PGAP6: variants seen among roughly 807,000 people sequenced by gnomAD.
The protein encoded by PGAP6 is post-GPI attachment to proteins 6.
A neutral mutation model predicts 68.4 loss-of-function variants in PGAP6; 62 were observed. The observed-to-expected ratio is 0.91, with a 90% CI of 0.74 to 1.12. The LOEUF (loss-of-function observed/expected upper bound fraction) is 1.12, where lower values mean the gene tolerates loss of function less well. PGAP6 is among the 50% of genes most tolerant of loss of function. The pLI, the probability that PGAP6 is intolerant of heterozygous loss-of-function variation, is 0.00. For missense variants in PGAP6, 1,188 were observed against 1,068.5 expected (o/e 1.11, Z -1.56); for synonymous variants, 575 against 474.0 (o/e 1.21, Z -2.77).
At chr16:386,350 C>T (rs1034500560), upstream of PGAP6, among the ~76,000 whole-genome samples, 1 of 152,174 alleles carries the variant, frequency 6.6e-6, no homozygotes, top group African/African-American at 2.4e-5. Context: ...TCTCTGTGGA[C>T]ACTCTCCCAG....
At chr16:384,189 C>G (rs570215833), upstream of PGAP6, 1 of 152,630 alleles carries the variant, frequency 6.6e-6, no homozygotes, top group African/African-American at 2.4e-5. Context: ...CCAAGCCCCC[C>G]TCCTCCCACT....
upstream of PGAP6, among the ~76,000 whole-genome samples, chr16:384,855 C>CAA (rs559192580): frequency 2.9e-4 from 32 of 110,188 alleles, no homozygotes; most frequent in South Asian, 6.0e-4. Flanking sequence ...GACTCCATCT[C>CAA]AAAAAAAAAA....
In PGAP6 at chr16:378,573, C is replaced by G. The variant is rs535210096; in HGVS notation, c.122-725G>C. ...TACACTCCCCATGGCCAACCCAGGT[C>G]GAAGCCGAAGGACCCAGCAGGTGTC... On this transcript the variant is annotated intron_variant, in intron 1 of 12. Coordinates refer to ENST00000431232, the MANE Select transcript of PGAP6 (RefSeq NM_021259.3). Among the ~76,000 whole-genome samples, 7 of 150,798 alleles carry G rather than the reference C, an allele frequency of 4.6e-5. No individual in the cohort carries two copies. In the South Asian group the frequency reaches 1.5e-3, roughly 32 times the overall value.
At chr16:378,153 G>GCCATCGCCACCCGC (rs1597163766) in intron 1 of PGAP6, among the ~76,000 whole-genome samples, 2 of 105,818 alleles carry the variant, frequency 1.9e-5, no homozygotes, top group East Asian at 4.6e-4. Flanking sequence ...TCGCCACCCT[G>GCCATCGCCACCCGC]ACTGCCATCG....
At chr16:381,362 G>C (rs1237475449) in intron 1 of PGAP6, among the ~76,000 whole-genome samples, 1 of 152,202 alleles carries the variant, frequency 6.6e-6, no homozygotes, top group Non-Finnish European at 1.5e-5. Context: ...CTCCCAGCTG[G>C]AGTCCCGGGC....
upstream of PGAP6, among the ~76,000 whole-genome samples, chr16:385,742 A>C (rs1274590207): frequency 6.9e-6 from 1 of 145,442 alleles, no homozygotes; most frequent in Non-Finnish European, 1.5e-5. Context: ...CTCCTGCCTC[A>C]GCCTCCCGAG....
Position 372,158 on chromosome 16 carries a change from G to A in PGAP6, c.2145C>T (p.Ser715=), listed in dbSNP as rs113865847. The change falls in exon 13 of 13, where the codon AGC becomes AGT. Residue 715 remains serine, a synonymous_variant. Transcript: ENST00000431232. ...GIAIYTSMMT[S]DNYYYTHSIW... ...TGCTGTGGGTGTAGTAGTAGTTGTC[G>A]CTAGTCATCATGGAGGTGTAGATGG... 18,845 of 1,612,868 alleles carry A rather than the reference G, an allele frequency of 0.012. 856 individuals are homozygous for A. In the African/African-American group the frequency reaches 0.14, roughly 12 times the overall value.
chr16:380,219 G>C lies in PGAP6; in HGVS notation c.121+1482C>G, dbSNP rs185590942. On this transcript the variant is annotated intron_variant, in intron 1 of 12. Coordinates refer to ENST00000431232, the MANE Select transcript of PGAP6 (RefSeq NM_021259.3). ...ATTTCCTTTGCCAGTTTCCAACGGAGTAAGGTTTTGGTATTTCTGAGGGTC... is the reference window on the plus strand; with the variant it reads ...ATTTCCTTTGCCAGTTTCCAACGGACTAAGGTTTTGGTATTTCTGAGGGTC... Among the ~76,000 whole-genome samples, 15 of 152,312 alleles carry C rather than the reference G, an allele frequency of 9.8e-5. 1 individual carries two copies. The highest frequency in any genetic ancestry group is 3.3e-4 in the Admixed American group (5 of 15,292).
At chr16:378,368 GC>G (rs2054409240) in intron 1 of PGAP6, among the ~76,000 whole-genome samples, 7 of 31,686 alleles carry the variant, frequency 2.2e-4, no homozygotes, top group Non-Finnish European at 3.9e-4. Context: ...ATCCCCACCC[GC>G]ACTGCCATCG....
chr16:374,189 A>T, intron 10 of PGAP6, 32 bp downstream of exon 10: 1 of 1,610,272 alleles, frequency 6.2e-7, no homozygotes, highest in Non-Finnish European at 8.5e-7. Flanking sequence ...CTGCCCTCCC[A>T]CCCCACATCC....
Position 372,213 on chromosome 16 carries a change from G to C in PGAP6, c.2090C>G (p.Pro697Arg). The C allele has an allele frequency of 6.2e-7, 1 of 1,612,606 alleles. No homozygotes were observed. Among genetic ancestry groups the C allele is most frequent in the Non-Finnish European group, 8.5e-7 (1 of 1,179,942 alleles). Reference protein sequence around the residue: ...SWQRWAFYLLPGVSMASVGIA... With the variant: ...SWQRWAFYLLRGVSMASVGIA... ...GCCCACAGAGGCCATAGAGACGCCG[G>C]GCAGGAGGTAGAAGGCCCAGCGCTG... The change falls in exon 13 of 13, where the codon CCC becomes CGC. Residue 697 changes from proline to arginine, a missense_variant. By Grantham distance (103) the Pro-to-Arg change is moderately radical. Transcript: ENST00000431232.
chr16:380,745 G>A (rs959571072), intron 1 of PGAP6, among the ~76,000 whole-genome samples: 3 of 152,028 alleles, frequency 2.0e-5, no homozygotes, highest in Non-Finnish European at 4.4e-5. Context: ...GAAAGCAGGA[G>A]GCACAGCCCC....
At chr16:378,368 G>A (rs112624898) in intron 1 of PGAP6, among the ~76,000 whole-genome samples, 1,529 of 30,682 alleles carry the variant, frequency 0.05, 78 homozygotes, top group Non-Finnish European at 0.068. Context: ...ATCCCCACCC[G>A]CACTGCCATC....
chr16:372,444 A>G, intron 12 of PGAP6, 161 bp from the exon 13 acceptor site: 1 of 977,944 alleles, frequency 1.0e-6, no homozygotes, highest in Non-Finnish European at 1.6e-6. Context: ...CCTCAGGCCC[A>G]GGCCTCAGGG....
Position 372,704 on chromosome 16 carries a change from C to T in PGAP6, c.1926G>A (p.Leu642=). 1 of 1,611,438 alleles carries T rather than the reference C, an allele frequency of 6.2e-7. No individual in the cohort carries two copies. The highest frequency in any genetic ancestry group is 8.5e-7 in the Non-Finnish European group (1 of 1,179,154). The part of the protein sequence containing the change: ...LKYVLFLLGT[L]VIAMSLQLDR... ...CCAGCTGCAAGGACATGGCGATGAC[C>T]AGTGTACCCAGAAGAAACAGCACCT... is the stretch of plus-strand genomic sequence containing the variant. Residue 642 remains leucine, a synonymous_variant, in exon 12 of 13, where the codon CTG becomes CTA. Coordinates refer to ENST00000431232, the MANE Select transcript of PGAP6 (RefSeq NM_021259.3).
At position 377,241 on chromosome 16, in the gene PGAP6, C is replaced by T. The variant is rs139922728; in HGVS notation, c.508-77G>A. The T allele has an allele frequency of 5.0e-3, 8,018 of 1,602,834 alleles. 37 individuals carry two copies. The highest frequency in any genetic ancestry group is 5.1e-3 in the Non-Finnish European group (5,990 of 1,174,940). On this transcript the variant is annotated intron_variant, in intron 3 of 12. Coordinates refer to ENST00000431232, the MANE Select transcript of PGAP6 (RefSeq NM_021259.3). ...AGGGCATGGTCTCACCAGACGCCCC[C>T]GGCATGCAGGGAGCAGGGCTGGCCC...
At chr16:375,503 G>T in intron 6 of PGAP6, 68 bp from the exon 7 acceptor site, 1 of 1,347,084 alleles carries the variant, frequency 7.4e-7, no homozygotes, top group Non-Finnish European at 1.1e-6. Context: ...TCTGCCCCAC[G>T]TGCCAGCTCA....
In PGAP6 at chr16:371,858, G is replaced by A. The variant is rs2054335928; in HGVS notation, c.*129C>T. Reference sequence around the variant, plus strand: ...GTGGCCCTCTCCTCAGTAGGAGGAAGTAAGAGGGTATCTAGGCCAATTTAT... The same window carrying A: ...GTGGCCCTCTCCTCAGTAGGAGGAAATAAGAGGGTATCTAGGCCAATTTAT... On this transcript the variant is annotated 3_prime_UTR_variant, in exon 13 of 13. Transcript: ENST00000431232. 4.0e-6 allele frequency: 4 copies of A among 1,008,068 alleles called. No homozygotes were observed. The highest frequency in any genetic ancestry group is 1.6e-5 in the African/African-American group (1 of 62,112). 62.4% of individuals were successfully genotyped at this position (1,008,068 alleles called of 1,614,324 possible).
chr16:377,402 G>C lies in PGAP6; in HGVS notation c.483C>G (p.Pro161=), dbSNP rs549720498. ...CCTTCAACTCGATCTTCTGGGATGAGGGGGGCAGGTGGGCGGCCACGAACC... is the reference window on the plus strand; with the variant it reads ...CCTTCAACTCGATCTTCTGGGATGACGGGGGCAGGTGGGCGGCCACGAACC... ...GDWFVAAHLP[P]SSQKIELKGL... is the part of the protein sequence containing the mutation. Residue 161 remains proline, a synonymous_variant, in exon 3 of 13, where the codon CCC becomes CCG. Transcript: ENST00000431232. 7 of 1,603,342 alleles carry C rather than the reference G, an allele frequency of 4.4e-6. No individual in the cohort carries two copies. The African/African-American group carries it at 8.0e-5, about 18-fold the overall frequency.
Sources: gnomAD v4.1 joint callset for allele counts (sites outside exome capture counted in the v4.1 genomes callset) on GRCh38, gnomAD v4.1.1 for gene constraint, MANE v1.5 for transcripts, NCBI Gene and HGNC (gene_info 2026-07-23, HGNC 2026-07-21) for gene names.